EIF4B: variants seen among roughly 807,000 people sequenced by gnomAD.
The protein encoded by EIF4B is eukaryotic translation initiation factor 4B.
A neutral mutation model predicts 79.3 loss-of-function variants in EIF4B; 8 were observed. The ratio of observed to expected loss-of-function variants is 0.10; its 90% CI spans 0.06 to 0.18. EIF4B has a LOEUF of 0.18. Ranked by LOEUF, EIF4B falls within the 10% of genes least tolerant of loss-of-function variation. The pLI is 1.00. For synonymous variants in EIF4B, 238 were observed against 274.7 expected (o/e 0.87, Z 1.32); for missense variants, 515 against 792.4 (o/e 0.65, Z 4.20).
rs1434002942 is a variant in EIF4B at position 53,041,480 on chromosome 12, T to G, written c.*1257T>G. On this transcript the variant is annotated 3_prime_UTR_variant, in exon 15 of 15. Coordinates refer to ENST00000262056, the MANE Select transcript of EIF4B (RefSeq NM_001417.7). ...ACTAATGCTTGTTGGATTCATGAGG[T>G]GGCCAGACCAATGTGTTGTTTTGTT... 3 of 140,002 alleles carry G rather than the reference T, an allele frequency of 2.1e-5. No individual in the cohort carries two copies. Among genetic ancestry groups the G allele is most frequent in the Admixed American group, 7.7e-5 (1 of 13,054 alleles). 8.7% of individuals were successfully genotyped at this position (140,002 alleles called of 1,614,324 possible). A position where few individuals can be genotyped will look rare whatever the true frequency, so the allele number is the denominator to read the frequency against.
chr12:53,019,437 A>ATATATTTTTTTTCTTTTTTTTT (rs1943205076), intron 3 of EIF4B, among the ~76,000 whole-genome samples: 3 of 51,024 alleles, frequency 5.9e-5, no homozygotes, highest in East Asian at 6.5e-4. Flanking sequence ...ATATATATAT[A>ATATATTTTTTTTCTTTTTTTTT]TTTTTTTTTT....
rs990755977 is a variant in EIF4B, at chr12:53,040,767, G to T, written c.*544G>T. 1 of 150,456 alleles carries T rather than the reference G, an allele frequency of 6.6e-6. No homozygotes were observed. The highest frequency in any genetic ancestry group is 6.8e-5 in the Admixed American group (1 of 14,792). 9.3% of individuals were successfully genotyped at this position (150,456 alleles called of 1,614,324 possible). ...CCTCTTATTTAATTCTGAGTTTTGG[G>T]GGCCAGCCTAGAGGGAATTCCTTTT... On this transcript the variant is annotated 3_prime_UTR_variant, in exon 15 of 15. Coordinates refer to ENST00000262056, the MANE Select transcript of EIF4B (RefSeq NM_001417.7).
chr12:53,027,630 G>A, intron 6 of EIF4B, 152 bp from the exon 7 acceptor site: 1 of 1,338,724 alleles, frequency 7.5e-7, no homozygotes, highest in South Asian at 1.6e-5. Context: ...ATTATTAGCT[G>A]AGCAACAATT....
rs1223607893 is a variant in EIF4B at position 53,028,170 on chromosome 12, T to C, written c.961T>C (p.Tyr321His). The C allele has an allele frequency of 3.1e-6, 5 of 1,602,868 alleles. No homozygotes were observed. The Admixed American group carries it at 8.8e-5, about 28-fold the overall frequency. The change falls in exon 8 of 15, where the codon TAT becomes CAT. Residue 321 changes from tyrosine (Y) to histidine (H), a missense_variant. Around this residue, in one of 6 missense-constraint regions of EIF4B, gnomAD observed 187 missense variants for 256.5 expected, o/e 0.73. Transcript: ENST00000262056. ...CAGAGATGATTACTCTCGGGATGAT[T>C]ATAGGCGTGATGATAGAGGTAATAG... ...SSRDDYSRDD[Y>H]RRDDRGPPQR...
Position 53,016,495 on chromosome 12 carries a change from G to T in EIF4B, c.36G>T (p.Gly12=), listed in dbSNP as rs777060302. 2 of 1,612,594 alleles carry T rather than the reference G, an allele frequency of 1.2e-6. No individual in the cohort carries two copies. Among genetic ancestry groups the T allele is most frequent in the Non-Finnish European group, 1.7e-6 (2 of 1,179,842 alleles). ...CAGCAAAAAAGAAGAATAAGAAGGG[G>T]AAGACTATCTCCCTAACAGACTTTC... ...AASAKKKNKK[G]KTISLTDFLA... The change falls in exon 2 of 15, where the codon GGG becomes GGT. Residue 12 remains glycine (G), a synonymous_variant. Transcript: ENST00000262056.
chr12:53,037,054 G>T (rs984449298), intron 10 of EIF4B, among the ~76,000 whole-genome samples: 4 of 152,184 alleles, frequency 2.6e-5, no homozygotes, highest in African/African-American at 9.7e-5. Context: ...CTGAAGTTGA[G>T]CAGTGGTTAC....
At position 53,041,605 on chromosome 12, in the gene EIF4B, G is replaced by A. The variant is rs949493420; in HGVS notation, c.*1382G>A. On this transcript the variant is annotated 3_prime_UTR_variant, in exon 15 of 15. Coordinates refer to ENST00000262056, the MANE Select transcript of EIF4B (RefSeq NM_001417.7). ...TGCAACACAGTAGCTAAACTTGCCT[G>A]CTTTTATATGCATTTTTGTAGGGAT... The A allele has an allele frequency of 3.3e-5, 5 of 152,108 alleles. No homozygotes were observed. Among genetic ancestry groups the A allele is most frequent in the African/African-American group, 1.2e-4 (5 of 41,428 alleles). 9.4% of individuals were successfully genotyped at this position (152,108 alleles called of 1,614,324 possible).
intron 10 of EIF4B, among the ~76,000 whole-genome samples, chr12:53,035,730 A>T (rs779441225): frequency 6.6e-6 from 1 of 152,108 alleles, no homozygotes; most frequent in Non-Finnish European, 1.5e-5. Flanking sequence ...TCTCAGCCTC[A>T]TAAAGTGCTG....
At position 53,037,600 on chromosome 12, in the gene EIF4B, A is replaced by G. The variant is rs1943561205; in HGVS notation, c.1498A>G (p.Thr500Ala). The G allele has an allele frequency of 3.1e-6, 5 of 1,614,006 alleles. 1 individual carries two copies. The South Asian group carries it at 5.5e-5, about 18-fold the overall frequency. ...NPPARSQSSD[T>A]EQQSPTSGGG... ...TCCTGCTCGATCTCAGAGCTCAGAC[A>G]CAGAGCAGCAGTCCCCTACAAGGTG... Residue 500 changes from threonine to alanine, a missense_variant, in exon 11 of 15, where the codon ACA becomes GCA. By Grantham distance (58) the Thr-to-Ala change is moderately conservative. Transcript: ENST00000262056.
chr12:53,014,324 A>G (rs1445483045), intron 1 of EIF4B, among the ~76,000 whole-genome samples: 1 of 151,698 alleles, frequency 6.6e-6, no homozygotes, highest in African/African-American at 2.4e-5. Context: ...AGGCAGGAGA[A>G]ATTGCTTGAA....
Position 53,041,476 on chromosome 12 carries a change from G to C in EIF4B, c.*1253G>C, listed in dbSNP as rs1200552365. The C allele has an allele frequency of 2.1e-5, 3 of 143,520 alleles. No individual in the cohort carries two copies. Among genetic ancestry groups the C allele is most frequent in the African/African-American group, 5.1e-5 (2 of 38,868 alleles). 8.9% of individuals were successfully genotyped at this position (143,520 alleles called of 1,614,324 possible). A position where few individuals can be genotyped will look rare whatever the true frequency, so the allele number is the denominator to read the frequency against. The stretch of plus-strand genomic sequence containing the variant: ...CCACACTAATGCTTGTTGGATTCAT[G>C]AGGTGGCCAGACCAATGTGTTGTTT... On this transcript the variant is annotated 3_prime_UTR_variant, in exon 15 of 15. Transcript: ENST00000262056.
In EIF4B at chr12:53,022,229, G is replaced by A. The variant is rs757809776; in HGVS notation, c.533-264G>A. ...GCCTAACAGCACGTTGGTCACAAAGGGGACCTAATTTGTATATGTTTCAGG... is the reference window on the plus strand; with the variant it reads ...GCCTAACAGCACGTTGGTCACAAAGAGGACCTAATTTGTATATGTTTCAGG... On this transcript the variant is annotated intron_variant, in intron 5 of 14. Coordinates refer to ENST00000262056, the MANE Select transcript of EIF4B (RefSeq NM_001417.7). 5.0e-5 allele frequency: 34 copies of A among 682,932 alleles called. 3 individuals are homozygous for A. Among genetic ancestry groups the A allele is most frequent in the South Asian group, 5.0e-4 (33 of 66,570 alleles). 42.3% of individuals were successfully genotyped at this position (682,932 alleles called of 1,614,324 possible).
At chr12:53,021,645 A>G (rs1423593449) in intron 4 of EIF4B, 161 bp from the exon 5 acceptor site, 20 of 800,162 alleles carry the variant, frequency 2.5e-5, no homozygotes, top group Non-Finnish European at 4.4e-5. Context: ...AAGTCTTTTA[A>G]AGGACTCTTT....
In EIF4B at chr12:53,016,540, T is replaced by C. The variant is rs755625218; in HGVS notation, c.81T>C (p.Thr27=). The stretch of plus-strand genomic sequence containing the variant: ...ACTTTCTGGCTGAGGATGGGGGTAC[T>C]GGTGGAGGAAGCACCTATGTTTCCA... The part of the protein sequence containing the change: ...LTDFLAEDGG[T]GGGSTYVSKP... Residue 27 remains threonine, a synonymous_variant, in exon 2 of 15, where the codon ACT becomes ACC. Transcript: ENST00000262056. 6.2e-7 allele frequency: 1 copy of C among 1,613,624 alleles called. No individual in the cohort carries two copies. The highest frequency in any genetic ancestry group is 8.5e-7 in the Non-Finnish European group (1 of 1,179,888).
intron 6 of EIF4B, chr12:53,025,091 A>C (rs1348774454): frequency 2.8e-5 from 11 of 390,970 alleles, no homozygotes; most frequent in Admixed American, 1.6e-4. Flanking sequence ...AGAATGGGTC[A>C]TAGGTCTGAA....
chr12:53,033,051 T>C (rs901155982), intron 8 of EIF4B, among the ~76,000 whole-genome samples: 2 of 152,046 alleles, frequency 1.3e-5, no homozygotes, highest in African/African-American at 2.4e-5. Context: ...TGCTTTTGTT[T>C]TCCAGCCTGG....
intron 8 of EIF4B, among the ~76,000 whole-genome samples, chr12:53,030,429 T>TTTTTTTTTTG: frequency 9.9e-6 from 1 of 101,314 alleles, no homozygotes; most frequent in Non-Finnish European, 2.1e-5. Flanking sequence ...TTTTTTTTTT[T>TTTTTTTTTTG]TTTTTTTTTG....
At chr12:53,040,039 T>A in intron 14 of EIF4B, 104 bp from the exon 15 acceptor site, 1 of 1,322,528 alleles carries the variant, frequency 7.6e-7, no homozygotes, top group Non-Finnish European at 1.1e-6. Flanking sequence ...GTGGGTGTCA[T>A]CTGACTGTCA....
At chr12:53,027,669 T>C (rs1489877075) in intron 6 of EIF4B, 113 bp from the exon 7 acceptor site, 1 of 1,437,506 alleles carries the variant, frequency 7.0e-7, no homozygotes, top group East Asian at 2.3e-5. Context: ...TTTGAAGAAA[T>C]CAGATAGAAA....
Sources: gnomAD v4.1 joint callset for allele counts (sites outside exome capture counted in the v4.1 genomes callset) on GRCh38, gnomAD v4.1.1 for gene constraint, gnomAD v4.1.1 regional missense constraint, MANE v1.5 for transcripts, NCBI Gene and HGNC (gene_info 2026-07-23, HGNC 2026-07-21) for gene names.